The following TMEM132D variants were observed in gnomAD, a reference collection of about 807,000 sequenced individuals.
TMEM132D encodes transmembrane protein 132D, also known as mature OL transmembrane protein.
Under a neutral mutation model 62.3 loss-of-function variants are expected in TMEM132D, and 21 were observed. The observed-to-expected ratio is 0.34, with a 90% CI of 0.24 to 0.49. The LOEUF (loss-of-function observed/expected upper bound fraction) is 0.49. Among genes scored for constraint, TMEM132D ranks in the 20% least tolerant of loss-of-function variants. The probability of loss-of-function intolerance (pLI) is 0.99; values close to 1 mark genes in which losing one functional copy is unlikely to be tolerated. For synonymous variants in TMEM132D, 621 were observed against 575.6 expected (o/e 1.08, Z -1.13); for missense variants, 1,346 against 1,402.8 (o/e 0.96, Z 0.65).
intron 1 of TMEM132D, among the ~76,000 whole-genome samples, chr12:129,893,285 A>G (rs1874988687): frequency 1.3e-5 from 2 of 152,212 alleles, no homozygotes; most frequent in South Asian, 2.1e-4. Context: ...TGAGGATTTC[A>G]TGAGTGAATG....
At chr12:129,358,938 G>A (rs1056790321) in intron 3 of TMEM132D, among the ~76,000 whole-genome samples, 6 of 146,762 alleles carry the variant, frequency 4.1e-5, no homozygotes, top group African/African-American at 1.5e-4. Context: ...TTGAGCTGTG[G>A]GTAGAAGAAA....
chr12:129,579,461 G>A (rs1277094477), intron 2 of TMEM132D, among the ~76,000 whole-genome samples: 2 of 152,162 alleles, frequency 1.3e-5, no homozygotes, highest in African/African-American at 2.4e-5. Flanking sequence ...GCCAGTGGTG[G>A]CTCAGTCTGA....
intron 4 of TMEM132D, among the ~76,000 whole-genome samples, chr12:129,300,447 C>T (rs555595414): frequency 9.0e-4 from 137 of 152,328 alleles, no homozygotes; most frequent in African/African-American, 3.1e-3. Flanking sequence ...AGTCCACACA[C>T]GTGCAATGCA....
At chr12:129,523,125 C>G (rs1385967034) in intron 3 of TMEM132D, among the ~76,000 whole-genome samples, 1 of 152,134 alleles carries the variant, frequency 6.6e-6, no homozygotes, top group Non-Finnish European at 1.5e-5. Context: ...CACACACACA[C>G]ACAGACACAC....
intron 3 of TMEM132D, among the ~76,000 whole-genome samples, chr12:129,432,106 A>G (rs539886581): frequency 1.4e-3 from 208 of 151,372 alleles, no homozygotes; most frequent in African/African-American, 4.9e-3. Flanking sequence ...CATATGGATG[A>G]ATGAATGGAT....
At chr12:129,262,328 C>T (rs894037584) in intron 4 of TMEM132D, 2 of 152,164 alleles carry the variant, frequency 1.3e-5, no homozygotes, top group Non-Finnish European at 2.9e-5. Context: ...CTGATTTAGT[C>T]TTTAGTAGTA....
intron 1 of TMEM132D, among the ~76,000 whole-genome samples, chr12:129,881,630 G>A (rs1180485142): frequency 6.6e-6 from 1 of 151,900 alleles, no homozygotes; most frequent in African/African-American, 2.4e-5. Context: ...GGGACATTAG[G>A]ACACAGATAA....
At chr12:129,606,527 G>A (rs1038176776) in intron 2 of TMEM132D, among the ~76,000 whole-genome samples, 2 of 152,134 alleles carry the variant, frequency 1.3e-5, no homozygotes, top group Admixed American at 1.3e-4. Flanking sequence ...AGGCTCTGAT[G>A]TGAGCAGGCA....
chr12:129,445,090 T>C (rs1566070769), intron 3 of TMEM132D, among the ~76,000 whole-genome samples: 1 of 152,146 alleles, frequency 6.6e-6, no homozygotes, highest in African/African-American at 2.4e-5. Context: ...TAAATATCCA[T>C]CAATGAAAGA....
At chr12:129,379,410 G>A (rs983178271) in intron 3 of TMEM132D, among the ~76,000 whole-genome samples, 5 of 152,158 alleles carry the variant, frequency 3.3e-5, no homozygotes, top group African/African-American at 1.2e-4. Flanking sequence ...CAAGACATCT[G>A]GACTGATAAT....
chr12:129,387,260 ATAC>A (rs750702410), intron 3 of TMEM132D, among the ~76,000 whole-genome samples: 109 of 123,622 alleles, frequency 8.8e-4, no homozygotes, highest in Admixed American at 2.3e-3. Flanking sequence ...ACTAATAATA[ATAC>A]TAACACTAGT....
chr12:129,310,178 G>A lies in TMEM132D; in HGVS notation c.1299+27456C>T, dbSNP rs574485461. Among the ~76,000 whole-genome samples the A allele has an allele frequency of 9.8e-4, 150 of 152,296 alleles. 3 individuals carry two copies. In the South Asian group the frequency reaches 0.03, roughly 30 times the overall value. On this transcript the variant is annotated intron_variant, in intron 4 of 8. Transcript: ENST00000422113. ...GATTGCTACAGAAAGAAAAGCCAAA[G>A]GACTCTACAGGCTAGTGGTGGCTGT... is the stretch of plus-strand genomic sequence containing the variant.
chr12:129,901,135 G>A lies in TMEM132D; in HGVS notation c.79+2126C>T, dbSNP rs546117306. 5.3e-5 allele frequency among the ~76,000 whole-genome samples: 8 copies of A among 152,290 alleles called. No homozygotes were observed. In the South Asian group the frequency reaches 1.0e-3, roughly 20 times the overall value. ...ACTTGATAATATTCTTTTTCAATCA[G>A]CCCCAGACAAATGAGGCACTTTGGG... On this transcript the variant is annotated intron_variant, in intron 1 of 8. Coordinates refer to ENST00000422113, the MANE Select transcript of TMEM132D (RefSeq NM_133448.3).
chr12:129,074,795 T>C lies in TMEM132D; in HGVS notation c.2380A>G (p.Lys794Glu), dbSNP rs758438067. The change falls in exon 9 of 9, where the codon AAA becomes GAA. Residue 794 changes from lysine to glutamate, a missense_variant. Lys to Glu is a moderately conservative substitution (Grantham distance 56). Transcript: ENST00000422113. The stretch of plus-strand genomic sequence containing the variant: ...GCATCGTTTTGGCCAAATTTAACTT[T>C]GATGTTTGCCGTTCCAACAGCTAAC... ...SVLAVGTANI[K>E]VKFGQNDANP... 1.2e-6 allele frequency: 2 copies of C among 1,614,120 alleles called. No homozygotes were observed. The highest frequency in any genetic ancestry group is 8.5e-7 in the Non-Finnish European group (1 of 1,180,026).
chr12:129,084,742 G>A (rs2135620219), intron 5 of TMEM132D, 40 bp from the exon 6 acceptor site: 3 of 1,597,494 alleles, frequency 1.9e-6, no homozygotes, highest in Non-Finnish European at 8.6e-7. Flanking sequence ...GGAAAGGTGA[G>A]CTTTCATCCC....
chr12:129,377,039 T>C lies in TMEM132D; in HGVS notation c.1116-39222A>G, dbSNP rs114631507. On this transcript the variant is annotated intron_variant, in intron 3 of 8. Coordinates refer to ENST00000422113, the MANE Select transcript of TMEM132D (RefSeq NM_133448.3). Reference sequence around the variant, plus strand: ...CCACTTCTGGTTTGAAGCTGCCCAATTCATGAATTCCTGTTTTAGCAAACA... The same window carrying C: ...CCACTTCTGGTTTGAAGCTGCCCAACTCATGAATTCCTGTTTTAGCAAACA... Among the ~76,000 whole-genome samples, 1,226 of 152,328 alleles carry C rather than the reference T, an allele frequency of 8.0e-3. 20 individuals carry two copies. Among genetic ancestry groups the C allele is most frequent in the African/African-American group, 0.028 (1,166 of 41,574 alleles).
At chr12:129,611,801 A>T (rs925912162) in intron 2 of TMEM132D, among the ~76,000 whole-genome samples, 4 of 152,182 alleles carry the variant, frequency 2.6e-5, no homozygotes, top group African/African-American at 9.7e-5. Context: ...TTGTAGGGAA[A>T]GTCTGGAGAT....
chr12:129,630,842 C>T (rs923657474), intron 2 of TMEM132D, among the ~76,000 whole-genome samples: 1 of 151,954 alleles, frequency 6.6e-6, no homozygotes, highest in Non-Finnish European at 1.5e-5. Flanking sequence ...TTCTTCTGCT[C>T]CTCTCCCTCC....
chr12:129,431,050 G>C (rs1177020471), intron 3 of TMEM132D, among the ~76,000 whole-genome samples: 1 of 152,204 alleles, frequency 6.6e-6, no homozygotes, highest in Non-Finnish European at 1.5e-5. Context: ...ATTCAGACTT[G>C]TGTTCTCTGT....
Sources: allele counts gnomAD v4.1 joint callset (sites outside exome capture counted in the v4.1 genomes callset), GRCh38; gene constraint gnomAD v4.1.1; transcripts MANE v1.5; gene names NCBI Gene and HGNC (gene_info 2026-07-23, HGNC 2026-07-21).